Variants in EYA1 observed in about 807,000 individuals in gnomAD.
EYA1 encodes protein phosphatase EYA1.
EYA1 carries 16 observed loss-of-function variants against 82.0 expected under a neutral mutation model. The ratio of observed to expected loss-of-function variants is 0.20; its 90% CI spans 0.13 to 0.30. The LOEUF (loss-of-function observed/expected upper bound fraction) is 0.30, where lower values mean the gene tolerates loss of function less well. Ranked by LOEUF, EYA1 falls within the 10% of genes least tolerant of loss-of-function variation. EYA1 has a pLI of 1.00. For synonymous variants in EYA1, 261 were observed against 264.4 expected, an observed-to-expected ratio of 0.99 and a Z score of 0.12; for missense variants, 633 against 730.7, an observed-to-expected ratio of 0.87 and a Z score of 1.54.
intron 12 of EYA1, among the ~76,000 whole-genome samples, chr8:71,235,141 G>A (rs1287325032): frequency 1.3e-5 from 2 of 152,172 alleles, no homozygotes; most frequent in Admixed American, 1.3e-4. Context: ...GGCTGGCTGA[G>A]ACAGTCTCTT....
At chr8:71,277,115 ATTTTTTTTTTTTTTTTTTTTT>A (rs9298167) in intron 9 of EYA1, among the ~76,000 whole-genome samples, 1 of 76,938 alleles carries the variant, frequency 1.3e-5, no homozygotes, top group Non-Finnish European at 2.3e-5. Context: ...GGCTTCACAC[ATTTTTTTTTTTTTTTTTTTTT>A]TTTTTTTTTT....
intron 2 of EYA1, among the ~76,000 whole-genome samples, chr8:71,431,636 T>C (rs1158468259): frequency 2.0e-5 from 3 of 152,198 alleles, no homozygotes; most frequent in Non-Finnish European, 4.4e-5. Flanking sequence ...ATTTTCCAAA[T>C]TTCTTTAACC....
At chr8:71,443,344 C>T (rs962919542) in intron 2 of EYA1, among the ~76,000 whole-genome samples, 6 of 152,066 alleles carry the variant, frequency 3.9e-5, no homozygotes, top group Admixed American at 6.6e-5. Flanking sequence ...CAGGCTGGAG[C>T]GCAGTGGCAC....
chr8:71,366,513 C>A (rs564201294), upstream of EYA1, among the ~76,000 whole-genome samples: 2 of 152,250 alleles, frequency 1.3e-5, no homozygotes, highest in African/African-American at 2.4e-5. Context: ...TGGGCAAAAC[C>A]AATCTTGTCA....
chr8:71,245,748 T>A (rs1396740401), intron 11 of EYA1, among the ~76,000 whole-genome samples: 1 of 152,130 alleles, frequency 6.6e-6, no homozygotes, highest in Non-Finnish European at 1.5e-5. Flanking sequence ...CAATTTTAAG[T>A]GTACTCAAAG....
At chr8:71,260,671 A>T (rs1294591117) in intron 11 of EYA1, among the ~76,000 whole-genome samples, 1 of 152,230 alleles carries the variant, frequency 6.6e-6, no homozygotes, top group Non-Finnish European at 1.5e-5. Context: ...TTTCTGGAAT[A>T]AAAGAAAATA....
chr8:71,526,593 CCCA>C, intron 2 of EYA1, among the ~76,000 whole-genome samples: 2 of 152,184 alleles, frequency 1.3e-5, no homozygotes, highest in African/African-American at 4.8e-5. Flanking sequence ...ATGGCTCACT[CCCA>C]TGGTTGTTGT....
rs116705320 is a variant in EYA1 at position 71,261,377 on chromosome 8, C to T, written c.1050+8363G>A. ...CAGATTTTGGGAGTTGGATGTGATTCTCTTGCCAATTAAGAAATAATACAG... is the reference window on the plus strand; with the variant it reads ...CAGATTTTGGGAGTTGGATGTGATTTTCTTGCCAATTAAGAAATAATACAG... On this transcript the variant is annotated intron_variant, in intron 11 of 17. Coordinates refer to ENST00000340726, the MANE Select transcript of EYA1 (RefSeq NM_000503.6). Among the ~76,000 whole-genome samples the T allele has an allele frequency of 4.4e-3, 672 of 152,210 alleles. 4 individuals are homozygous for T. Among genetic ancestry groups the T allele is most frequent in the African/African-American group, 0.015 (626 of 41,530 alleles).
At chr8:71,269,919 G>A (rs1816312192) in intron 10 of EYA1, 96 bp from the exon 11 acceptor site, 1 of 887,090 alleles carries the variant, frequency 1.1e-6, no homozygotes, top group African/African-American at 1.6e-5. Context: ...TGAAACGGAA[G>A]ATGAATGAAA....
intron 12 of EYA1, among the ~76,000 whole-genome samples, chr8:71,237,613 TAAACAATCAA>T (rs1812003989): frequency 6.6e-6 from 1 of 152,168 alleles, no homozygotes; most frequent in Admixed American, 6.6e-5. Context: ...ACAAATTCCA[TAAACAATCAA>T]TGTTAAACTT....
At chr8:71,250,848 AAT>A (rs1311713544) in intron 11 of EYA1, among the ~76,000 whole-genome samples, 1 of 152,242 alleles carries the variant, frequency 6.6e-6, no homozygotes, top group Non-Finnish European at 1.5e-5. Flanking sequence ...AAAAGCAATA[AAT>A]AGAGAATATT....
chr8:71,492,665 C>G (rs1255942923), intron 2 of EYA1, among the ~76,000 whole-genome samples: 2 of 152,088 alleles, frequency 1.3e-5, no homozygotes, highest in Non-Finnish European at 2.9e-5. Context: ...TGGGGTTTCA[C>G]TGTGTTAGCC....
chr8:71,384,076 T>G (rs943377416), intron 2 of EYA1, among the ~76,000 whole-genome samples: 8 of 152,124 alleles, frequency 5.3e-5, no homozygotes, highest in Admixed American at 5.2e-4. Flanking sequence ...TAAGTGTCTT[T>G]CCATATTCAT....
At chr8:71,452,362 A>C (rs1017838078) in intron 2 of EYA1, among the ~76,000 whole-genome samples, 1 of 152,188 alleles carries the variant, frequency 6.6e-6, no homozygotes, top group African/African-American at 2.4e-5. Flanking sequence ...AGCTGGACAA[A>C]AGGCAGCAGA....
intron 2 of EYA1, among the ~76,000 whole-genome samples, chr8:71,449,521 T>TA (rs1430962513): frequency 6.6e-6 from 1 of 152,206 alleles, no homozygotes; most frequent in Non-Finnish European, 1.5e-5. Context: ...TTAAAATATT[T>TA]AAAAAACCAA....
At chr8:71,542,762 G>C (rs1399901574) in intron 1 of EYA1, among the ~76,000 whole-genome samples, 1 of 152,112 alleles carries the variant, frequency 6.6e-6, no homozygotes, top group African/African-American at 2.4e-5. Flanking sequence ...CATCTGACTG[G>C]TATGAGATGG....
chr8:71,454,739 A>C (rs1394918642), intron 2 of EYA1, among the ~76,000 whole-genome samples: 4 of 152,226 alleles, frequency 2.6e-5, no homozygotes, highest in African/African-American at 9.6e-5. Context: ...AAGACACAAC[A>C]TACCAGAATC....
At chr8:71,325,075 G>C (rs1359369083) in intron 4 of EYA1, among the ~76,000 whole-genome samples, 2 of 152,116 alleles carry the variant, frequency 1.3e-5, no homozygotes, top group Admixed American at 6.5e-5. Flanking sequence ...ATTATCCCTA[G>C]GATAAATTCC....
chr8:71,221,708 G>C (rs559682086), intron 12 of EYA1, among the ~76,000 whole-genome samples: 5 of 152,272 alleles, frequency 3.3e-5, no homozygotes, highest in African/African-American at 1.2e-4. Context: ...GTGATAAATT[G>C]GCAGCCAATG....
Sources: allele counts gnomAD v4.1 joint callset (sites outside exome capture counted in the v4.1 genomes callset), GRCh38; gene constraint gnomAD v4.1.1; transcripts MANE v1.5; gene names NCBI Gene and HGNC (gene_info 2026-07-23, HGNC 2026-07-21).